Variants in DMC1 observed in about 807,000 individuals in gnomAD.
DMC1 encodes meiotic recombination protein DMC1 homolog.
DMC1 carries 27 observed loss-of-function variants against 50.1 expected under a neutral mutation model. The ratio of observed to expected loss-of-function variants is 0.54; its 90% confidence interval spans 0.40 to 0.74. DMC1 has a LOEUF of 0.74. Ranked by LOEUF, DMC1 falls within the 30% of genes least tolerant of loss-of-function variation. The probability of loss-of-function intolerance (pLI) is 0.00; values close to 1 mark genes in which losing one functional copy is unlikely to be tolerated. For missense variants in DMC1, 295 were observed against 420.2 expected (o/e 0.70, Z 2.60); for synonymous variants, 148 against 136.1 (o/e 1.09, Z -0.61).
chr22:38,555,434 T>C (rs113199928), intron 5 of DMC1, 25 bp from the exon 6 acceptor site: 3 of 1,432,586 alleles, frequency 2.1e-6, no homozygotes, highest in African/African-American at 1.4e-5. Flanking sequence ...AAAGCATTAG[T>C]AACAGGAATA....
intron 2 of DMC1, 49 bp from the exon 3 acceptor site, chr22:38,567,676 G>C: frequency 7.3e-7 from 1 of 1,362,324 alleles, no homozygotes; most frequent in Non-Finnish European, 1.1e-6. Flanking sequence ...TTCATATCCA[G>C]CTATTTCACA....
At chr22:38,550,823 C>G (rs1437943273) in intron 7 of DMC1, among the ~76,000 whole-genome samples, 3 of 149,052 alleles carry the variant, frequency 2.0e-5, no homozygotes, top group Admixed American at 6.7e-5. Flanking sequence ...CCCAGCTACT[C>G]TGGAGGCTGA....
At chr22:38,518,439 G>T (rs1353138700), downstream of DMC1, among the ~76,000 whole-genome samples, 2 of 152,044 alleles carry the variant, frequency 1.3e-5, no homozygotes, top group African/African-American at 2.4e-5. Flanking sequence ...TTAGCGCTTA[G>T]CATTAATAAT....
chr22:38,558,480 C>T (rs978089734), intron 5 of DMC1, among the ~76,000 whole-genome samples: 8 of 151,752 alleles, frequency 5.3e-5, no homozygotes, highest in South Asian at 2.1e-4. Context: ...TTTGGGAGGC[C>T]GAGGCAAGTG....
At chr22:38,555,574 A>G (rs1374530315) in intron 5 of DMC1, among the ~76,000 whole-genome samples, 165 bp from the exon 6 acceptor site, 1 of 152,132 alleles carries the variant, frequency 6.6e-6, no homozygotes, top group Non-Finnish European at 1.5e-5. Context: ...TGGCTGAACA[A>G]ATAGCATGCC....
At position 38,537,447 on chromosome 22, in the gene DMC1, C is replaced by G. The variant is rs978543418; in HGVS notation, c.836+145G>C. On this transcript the variant is annotated intron_variant, in intron 12 of 13. Transcript: ENST00000216024. ...CAGGCTGGTCTCCATCTCCTGACCT[C>G]GTGATCCGCCTGCCTCAGCCTGCTA... The G allele has an allele frequency of 1.4e-5, 10 of 703,848 alleles. No individual in the cohort carries two copies. In the African/African-American group the frequency reaches 1.6e-4, roughly 11 times the overall value. 43.6% of individuals were successfully genotyped at this position (703,848 alleles called of 1,614,324 possible).
In DMC1 at chr22:38,564,027, G is replaced by A. The variant is rs565543631; in HGVS notation, c.244-1658C>T. ...CACAAAAATTTTTAAAAATTAGCTG[G>A]ACATGGTAGCATATGCCTGTAGTCC... On this transcript the variant is annotated intron_variant, in intron 4 of 13. Coordinates refer to ENST00000216024, the MANE Select transcript of DMC1 (RefSeq NM_007068.4). Among the ~76,000 whole-genome samples, 13 of 152,106 alleles carry A rather than the reference G, an allele frequency of 8.5e-5. No homozygotes were observed. The South Asian group carries it at 2.7e-3, about 32-fold the overall frequency.
chr22:38,520,157 C>G, intron 13 of DMC1, 68 bp from the exon 14 acceptor site: 2 of 1,316,584 alleles, frequency 1.5e-6, no homozygotes, highest in Non-Finnish European at 1.1e-6. Flanking sequence ...ATTCATGTCA[C>G]AGGCATTATG....
intron 12 of DMC1, among the ~76,000 whole-genome samples, chr22:38,524,330 C>G (rs2090063180): frequency 6.6e-6 from 1 of 152,180 alleles, no homozygotes. Context: ...AGAAGAATCA[C>G]TTGAACCCAG....
chr22:38,564,168 C>G (rs778454034), intron 4 of DMC1, among the ~76,000 whole-genome samples: 43 of 152,056 alleles, frequency 2.8e-4, no homozygotes, highest in Non-Finnish European at 5.6e-4. Flanking sequence ...GACCTTGTCT[C>G]AAAAATAAAT....
At chr22:38,537,563 G>GA in intron 12 of DMC1, 29 bp downstream of exon 12, 10 of 1,598,206 alleles carry the variant, frequency 6.3e-6, no homozygotes, top group Non-Finnish European at 8.6e-6. Flanking sequence ...TAACCTCTGT[G>GA]AAATAAAAAG....
chr22:38,554,456 A>C (rs946260437), intron 6 of DMC1, among the ~76,000 whole-genome samples: 5 of 152,060 alleles, frequency 3.3e-5, no homozygotes, highest in South Asian at 2.1e-4. Flanking sequence ...AAAAAAAAAA[A>C]AAAAACAGAT....
At chr22:38,538,838 C>T (rs1237095672) in intron 9 of DMC1, among the ~76,000 whole-genome samples, 2 of 152,048 alleles carry the variant, frequency 1.3e-5, no homozygotes, top group East Asian at 3.9e-4. Flanking sequence ...AGTTCAAGAC[C>T]AGCCTTGCCA....
chr22:38,553,289 G>A (rs1285030742), intron 6 of DMC1, among the ~76,000 whole-genome samples: 1 of 144,926 alleles, frequency 6.9e-6, no homozygotes, highest in African/African-American at 2.5e-5. Context: ...ACAAGGTCAG[G>A]GGATTGAGAC....
chr22:38,542,357 G>T (rs2090291189), intron 8 of DMC1, among the ~76,000 whole-genome samples: 1 of 152,000 alleles, frequency 6.6e-6, no homozygotes, highest in South Asian at 2.1e-4. Context: ...CAGTAAAGTT[G>T]CAGGATACAA....
In DMC1 at chr22:38,567,627, C is replaced by T; in HGVS notation, c.52G>A (p.Glu18Lys). Residue 18 changes from glutamate (E) to lysine (K), a missense_variant and splice_region_variant, in exon 3 of 14, where the codon GAA (glutamate) becomes AAA (lysine). Glu to Lys is a moderately conservative substitution (Grantham distance 56). Transcript: ENST00000216024. The stretch of plus-strand genomic sequence containing the variant: ...AGGTCAATATCTTGAAACAAAGATT[C>T]CTAAAGGAGATGAAACAGAAAAAAT... ...AEEPGFQDEE[E>K]SLFQDIDLLQ... The T allele has an allele frequency of 6.2e-7, 1 of 1,606,040 alleles. No homozygotes were observed. Among genetic ancestry groups the T allele is most frequent in the Middle Eastern group, 1.7e-4 (1 of 6,048 alleles).
chr22:38,539,262 G>A, intron 9 of DMC1, 59 bp downstream of exon 9: 1 of 1,216,002 alleles, frequency 8.2e-7, no homozygotes, highest in Non-Finnish European at 1.2e-6. Context: ...CCCTCAAGTA[G>A]TAAATCAGTG....
At chr22:38,537,283 G>A (rs769581040) in intron 12 of DMC1, among the ~76,000 whole-genome samples, 8 of 151,646 alleles carry the variant, frequency 5.3e-5, no homozygotes, top group Admixed American at 1.3e-4. Context: ...GCGCGATCTC[G>A]GCTTACTACA....
At position 38,568,275 on chromosome 22, in the gene DMC1, G is replaced by T. The variant is rs369291749; in HGVS notation, c.-19C>A. 5.0e-6 allele frequency: 8 copies of T among 1,613,404 alleles called. No individual in the cohort carries two copies. The highest frequency in any genetic ancestry group is 6.8e-6 in the Non-Finnish European group (8 of 1,179,400). ...CCTTCATATTGAAAAGTGGGCAACA[G>T]AAAAATAATCACTTCTGGGAAAATA... On this transcript the variant is annotated 5_prime_UTR_variant, in exon 2 of 14. In the 5' UTR this introduces an upstream ATG that the reference lacks. Transcript: ENST00000216024.
Sources: gnomAD v4.1 joint callset for allele counts (sites outside exome capture counted in the v4.1 genomes callset) on GRCh38, gnomAD v4.1.1 for gene constraint, MANE v1.5 for transcripts, NCBI Gene and HGNC (gene_info 2026-07-23, HGNC 2026-07-21) for gene names.